CCDC149: variants seen among roughly 807,000 people sequenced by gnomAD.
The protein encoded by CCDC149 is coiled-coil domain-containing protein 149.
CCDC149 carries 45 observed loss-of-function variants against 59.9 expected under a neutral mutation model. The observed-to-expected ratio is 0.75, with a 90% CI of 0.59 to 0.96. CCDC149 has a LOEUF of 0.96. Among genes scored for constraint, CCDC149 ranks in the 40% least tolerant of loss-of-function variants. CCDC149 has a pLI of 0.00. For synonymous variants in CCDC149, 245 were observed against 260.6 expected (o/e 0.94, Z 0.58); for missense variants, 584 against 664.7 (o/e 0.88, Z 1.33).
intron 1 of CCDC149, among the ~76,000 whole-genome samples, chr4:24,938,005 C>T (rs542742338): frequency 4.1e-4 from 63 of 152,254 alleles, no homozygotes; most frequent in Non-Finnish European, 7.9e-4. Flanking sequence ...ATGTGCCTTC[C>T]TATTCCTCTC....
chr4:24,813,495 T>TATATATATATATATATATATATATAC (rs2073345163), intron 12 of CCDC149, among the ~76,000 whole-genome samples: 2 of 12,982 alleles, frequency 1.5e-4, no homozygotes, highest in African/African-American at 3.4e-4. Flanking sequence ...GGGGAATATA[T>TATATATATATATATATATATATATAC]ATATATATAT....
intron 1 of CCDC149, among the ~76,000 whole-genome samples, chr4:24,903,800 CTTTTT>C (rs11344947): frequency 1.6e-5 from 2 of 124,478 alleles, no homozygotes; most frequent in African/African-American, 2.9e-5. Context: ...TAATTTTTAG[CTTTTT>C]TTTTTTTTTT....
At chr4:24,843,938 A>G (rs1161912742) in intron 4 of CCDC149, among the ~76,000 whole-genome samples, 1 of 152,014 alleles carries the variant, frequency 6.6e-6, no homozygotes, top group Non-Finnish European at 1.5e-5. Context: ...TGTCCGAAAC[A>G]TGCCACTCTC....
chr4:24,891,782 T>G (rs1243724881), intron 1 of CCDC149, among the ~76,000 whole-genome samples: 1 of 152,192 alleles, frequency 6.6e-6, no homozygotes, highest in African/African-American at 2.4e-5. Context: ...GAGGATTGCT[T>G]GAGCCCAGGA....
At chr4:24,833,575 G>A (rs1472759913) in intron 8 of CCDC149, among the ~76,000 whole-genome samples, 2 of 152,072 alleles carry the variant, frequency 1.3e-5, no homozygotes, top group East Asian at 1.9e-4. Context: ...AGTGAACCAC[G>A]ATCACGCCAC....
At chr4:24,916,235 T>C (rs1424024918), upstream of CCDC149, among the ~76,000 whole-genome samples, 1 of 152,240 alleles carries the variant, frequency 6.6e-6, no homozygotes, top group Non-Finnish European at 1.5e-5. Flanking sequence ...TTTATTGATT[T>C]ATTTATGTGC....
At chr4:24,961,112 T>A (rs189964549) in intron 1 of CCDC149, among the ~76,000 whole-genome samples, 1 of 152,284 alleles carries the variant, frequency 6.6e-6, no homozygotes, top group African/African-American at 2.4e-5. Flanking sequence ...CGTATTTTGG[T>A]CCTTGAAACC....
intron 8 of CCDC149, 70 bp from the exon 9 acceptor site, chr4:24,831,720 A>G (rs2109129322): frequency 7.1e-7 from 1 of 1,413,100 alleles, no homozygotes; most frequent in Non-Finnish European, 9.8e-7. Context: ...ACCAATGTCA[A>G]TCCTTCTTGG....
chr4:24,978,632 G>T (rs1310169545), intron 1 of CCDC149, among the ~76,000 whole-genome samples: 2 of 152,152 alleles, frequency 1.3e-5, no homozygotes, highest in African/African-American at 4.8e-5. Context: ...CATGGTTGTT[G>T]TCTCTAATTT....
intron 4 of CCDC149, among the ~76,000 whole-genome samples, chr4:24,846,835 G>C (rs938763255): frequency 6.6e-6 from 1 of 152,174 alleles, no homozygotes; most frequent in African/African-American, 2.4e-5. Context: ...TTTGCCTACC[G>C]CAAACTTCCT....
intron 3 of CCDC149, among the ~76,000 whole-genome samples, chr4:24,865,758 T>C (rs545169922): frequency 6.6e-6 from 1 of 152,378 alleles, no homozygotes; most frequent in South Asian, 2.1e-4. Flanking sequence ...ACTCCATTAA[T>C]AGCTCCCAAG....
At chr4:24,820,672 C>A (rs1000157585) in intron 11 of CCDC149, among the ~76,000 whole-genome samples, 2 of 152,146 alleles carry the variant, frequency 1.3e-5, no homozygotes, top group African/African-American at 4.8e-5. Context: ...TTACTTTCAC[C>A]ATGGTCTGAA....
At chr4:24,910,071 A>G (rs1721785418) in intron 1 of CCDC149, among the ~76,000 whole-genome samples, 1 of 152,254 alleles carries the variant, frequency 6.6e-6, no homozygotes, top group South Asian at 2.1e-4. Flanking sequence ...CCGGAAGTCC[A>G]AAAGCAAGGT....
chr4:24,933,367 T>C (rs1722648653), intron 1 of CCDC149, among the ~76,000 whole-genome samples: 2 of 152,176 alleles, frequency 1.3e-5, no homozygotes, highest in African/African-American at 2.4e-5. Context: ...CAAAGTATTT[T>C]CTGGATTTAA....
At chr4:24,875,192 T>C (rs1466805986) in intron 2 of CCDC149, among the ~76,000 whole-genome samples, 1 of 152,016 alleles carries the variant, frequency 6.6e-6, no homozygotes, top group Admixed American at 6.6e-5. Context: ...TAGCCGAGCA[T>C]GGTGGCAGGC....
intron 1 of CCDC149, among the ~76,000 whole-genome samples, chr4:24,973,984 T>C (rs1005697653): frequency 6.6e-6 from 1 of 152,250 alleles, no homozygotes; most frequent in African/African-American, 2.4e-5. Flanking sequence ...CACTCGGCTG[T>C]TTCGCAAGAG....
chr4:24,964,099 T>C (rs1723724776), intron 1 of CCDC149, among the ~76,000 whole-genome samples: 1 of 149,352 alleles, frequency 6.7e-6, no homozygotes, highest in South Asian at 2.1e-4. Flanking sequence ...AGAAGTGAGA[T>C]GGGAGGATCG....
chr4:24,876,290 C>T (rs1476794393), intron 2 of CCDC149, among the ~76,000 whole-genome samples: 2 of 102,808 alleles, frequency 1.9e-5, no homozygotes, highest in East Asian at 2.6e-4. Flanking sequence ...TACATACACA[C>T]GTACACACAC....
chr4:24,880,070 T>G (rs1359122646), intron 1 of CCDC149, among the ~76,000 whole-genome samples: 1 of 152,230 alleles, frequency 6.6e-6, no homozygotes, highest in Non-Finnish European at 1.5e-5. Context: ...TACATTTTAC[T>G]GCCTCTAGCC....
Sources: allele counts gnomAD v4.1 joint callset (sites outside exome capture counted in the v4.1 genomes callset), GRCh38; gene constraint gnomAD v4.1.1; transcripts MANE v1.5; gene names NCBI Gene and HGNC (gene_info 2026-07-23, HGNC 2026-07-21).